Variants in XKR9 observed in about 807,000 individuals in gnomAD.
XKR9 encodes the protein XK related 9.
A neutral mutation model predicts 32.0 loss-of-function variants in XKR9; 32 were observed. The ratio of observed to expected loss-of-function variants is 1.00; its 90% CI spans 0.76 to 1.34. The LOEUF is 1.34. XKR9 is among the 40% of genes most tolerant of loss of function. The pLI is 0.00. For synonymous variants in XKR9, 168 were observed against 143.4 expected (o/e 1.17, Z -1.22); for missense variants, 546 against 429.7 (o/e 1.27, Z -2.39).
At chr8:70,887,994 C>T in the XKR9 span, among the ~76,000 whole-genome samples, 1 of 152,060 alleles carries the variant, frequency 6.6e-6, no homozygotes, top group African/African-American at 2.4e-5. Flanking sequence ...GCATCCTTGT[C>T]TTTTGCTAGT....
chr8:70,871,248 A>C, the XKR9 span, among the ~76,000 whole-genome samples: 2 of 152,300 alleles, frequency 1.3e-5, no homozygotes, highest in East Asian at 3.9e-4. Context: ...GGTGAAGAAG[A>C]TAAAGAGATA....
chr8:70,676,657 CCAGTAA>C (rs898624516), intron 2 of XKR9, among the ~76,000 whole-genome samples: 3 of 152,210 alleles, frequency 2.0e-5, no homozygotes, highest in African/African-American at 7.2e-5. Context: ...TAATGTTCTG[CCAGTAA>C]CAGTTTCTGT....
downstream of XKR9, among the ~76,000 whole-genome samples, chr8:70,791,281 C>A (rs1425185350): frequency 6.6e-6 from 1 of 151,008 alleles, no homozygotes; most frequent in Non-Finnish European, 1.5e-5. Context: ...TCAAGACCAA[C>A]CTGAACAACA....
the XKR9 span, among the ~76,000 whole-genome samples, chr8:70,968,280 C>T: frequency 2.0e-5 from 3 of 152,150 alleles, no homozygotes; most frequent in Non-Finnish European, 4.4e-5. Context: ...TGTTTTTTAG[C>T]TCCATCAGGT....
the XKR9 span, among the ~76,000 whole-genome samples, chr8:70,836,618 G>T: frequency 8.0e-5 from 12 of 150,806 alleles, no homozygotes; most frequent in South Asian, 1.5e-3. Flanking sequence ...GATATTTGGG[G>T]TTTTTTTTTG....
chr8:71,030,219 G>C, the XKR9 span, among the ~76,000 whole-genome samples: 1 of 152,038 alleles, frequency 6.6e-6, no homozygotes, highest in Non-Finnish European at 1.5e-5. Context: ...AAACCAGCTT[G>C]GGTTTTCTCA....
rs1363546510 is a variant in XKR9 at position 70,735,228 on chromosome 8, T to C, written c.*804T>C. 6.6e-6 allele frequency: 1 copy of C among 151,338 alleles called. No individual in the cohort carries two copies. Among genetic ancestry groups the C allele is most frequent in the Non-Finnish European group, 1.5e-5 (1 of 67,954 alleles). 9.4% of individuals were successfully genotyped at this position (151,338 alleles called of 1,614,324 possible). A position where few individuals can be genotyped will look rare whatever the true frequency, so the allele number is the denominator to read the frequency against. ...ACTTTTTCACCTTGTAAAACTAAGA[T>C]TCTCTATTTATTGAACAAATCCCCA... On this transcript the variant is annotated 3_prime_UTR_variant, in exon 5 of 5. Coordinates refer to ENST00000408926, the MANE Select transcript of XKR9 (RefSeq NM_001011720.2).
chr8:70,918,763 G>A, the XKR9 span, among the ~76,000 whole-genome samples: 2 of 138,098 alleles, frequency 1.4e-5, no homozygotes, highest in East Asian at 2.0e-4. Context: ...ATAGATCATG[G>A]GATCCTTTTT....
the XKR9 span, among the ~76,000 whole-genome samples, chr8:71,010,192 A>G: frequency 2.7e-4 from 41 of 152,340 alleles, 2 homozygotes; most frequent in Admixed American, 2.6e-3. Context: ...TACCAGGTAC[A>G]TGACAGCTGA....
At chr8:70,708,885 G>T (rs934285411) in intron 4 of XKR9, among the ~76,000 whole-genome samples, 11 of 151,912 alleles carry the variant, frequency 7.2e-5, no homozygotes, top group African/African-American at 2.7e-4. Flanking sequence ...AAAAGAGCTG[G>T]TATCAATTCT....
chr8:71,050,958 T>C, the XKR9 span, among the ~76,000 whole-genome samples: 1 of 151,994 alleles, frequency 6.6e-6, no homozygotes, highest in Non-Finnish European at 1.5e-5. Context: ...TTTAATTAAA[T>C]TAAAAGTAAG....
intron 2 of XKR9, among the ~76,000 whole-genome samples, chr8:70,764,982 C>A (rs143480101): frequency 6.6e-6 from 1 of 152,110 alleles, no homozygotes; most frequent in African/African-American, 2.4e-5. Flanking sequence ...TTTCTTTATC[C>A]AGTCTATCAT....
chr8:70,701,562 G>A (rs1006616797), intron 3 of XKR9, among the ~76,000 whole-genome samples: 1 of 152,146 alleles, frequency 6.6e-6, no homozygotes, highest in Non-Finnish European at 1.5e-5. Context: ...TCAGGAAGTG[G>A]CAGAATACTG....
the XKR9 span, among the ~76,000 whole-genome samples, chr8:70,817,498 C>A: frequency 2.7e-4 from 41 of 152,040 alleles, no homozygotes; most frequent in Non-Finnish European, 5.1e-4. Context: ...AATGGAAAAC[C>A]ATTTCATGCT....
the XKR9 span, among the ~76,000 whole-genome samples, chr8:71,054,151 G>A: frequency 6.6e-6 from 1 of 152,264 alleles, no homozygotes; most frequent in East Asian, 1.9e-4. Flanking sequence ...TTAACAGTAT[G>A]GTTGGTGCTT....
the XKR9 span, among the ~76,000 whole-genome samples, chr8:70,964,068 G>A: frequency 6.6e-6 from 1 of 152,124 alleles, no homozygotes. Context: ...GTATTGCCTA[G>A]ATTTTCTTCT....
chr8:70,939,655 G>A, the XKR9 span, among the ~76,000 whole-genome samples: 1 of 151,948 alleles, frequency 6.6e-6, no homozygotes, highest in African/African-American at 2.4e-5. Flanking sequence ...TCTCAGTCCT[G>A]AGAATTGTAG....
At chr8:70,796,906 G>A in the XKR9 span, among the ~76,000 whole-genome samples, 2 of 152,150 alleles carry the variant, frequency 1.3e-5, no homozygotes, top group Non-Finnish European at 2.9e-5. Context: ...AAACATGACA[G>A]TGGCAGATAT....
intron 2 of XKR9, chr8:70,781,116 T>C (rs1290288963): frequency 6.6e-6 from 1 of 152,180 alleles, no homozygotes; most frequent in African/African-American, 2.4e-5. Flanking sequence ...CTAGTGGGTA[T>C]AAAGTGGTAT....
Sources: gnomAD v4.1 joint callset for allele counts (sites outside exome capture counted in the v4.1 genomes callset) on GRCh38, gnomAD v4.1.1 for gene constraint, MANE v1.5 for transcripts, NCBI Gene and HGNC (gene_info 2026-07-23, HGNC 2026-07-21) for gene names.